Variants in SDK1 observed in about 807,000 individuals in gnomAD.
SDK1 encodes protein sidekick-1.
SDK1 carries 157 observed loss-of-function variants against 245.5 expected under a neutral mutation model. The ratio of observed to expected loss-of-function variants is 0.64; its 90% CI spans 0.56 to 0.73. The LOEUF is 0.73. Among genes scored for constraint, SDK1 ranks in the 30% least tolerant of loss-of-function variants. SDK1 has a pLI of 0.00. For synonymous variants in SDK1, 1,647 were observed against 1,278.5 expected, an observed-to-expected ratio of 1.29 and a Z score of -6.15; for missense variants, 3,583 against 3,002.3, an observed-to-expected ratio of 1.19 and a Z score of -4.52.
At chr7:3,993,302 G>C (rs924318479) in intron 14 of SDK1, among the ~76,000 whole-genome samples, 4 of 152,204 alleles carry the variant, frequency 2.6e-5, no homozygotes, top group African/African-American at 9.7e-5. Flanking sequence ...GGCTGAAACA[G>C]AAGAATGGTG....
intron 4 of SDK1, among the ~76,000 whole-genome samples, chr7:3,748,781 T>G (rs1474006679): frequency 1.3e-5 from 2 of 152,226 alleles, no homozygotes; most frequent in African/African-American, 4.8e-5. Flanking sequence ...TTAAGAGTAC[T>G]TGGTACAACC....
chr7:3,460,753 A>C (rs1780808990), intron 1 of SDK1, among the ~76,000 whole-genome samples: 1 of 152,202 alleles, frequency 6.6e-6, no homozygotes, highest in Non-Finnish European at 1.5e-5. Flanking sequence ...TTGGGGCTAA[A>C]AACAGCCAGC....
intron 1 of SDK1, among the ~76,000 whole-genome samples, chr7:3,336,834 G>C (rs1780213852): frequency 6.6e-6 from 1 of 152,202 alleles, no homozygotes; most frequent in Non-Finnish European, 1.5e-5. Flanking sequence ...TCTGCAACAA[G>C]GCAATGTGAG....
At chr7:3,810,233 A>G (rs945292275) in intron 4 of SDK1, among the ~76,000 whole-genome samples, 1 of 152,032 alleles carries the variant, frequency 6.6e-6, no homozygotes, top group Non-Finnish European at 1.5e-5. Context: ...CTCACTTTTC[A>G]TGGTTTCCAA....
chr7:3,332,404 C>G (rs1428194070), intron 1 of SDK1, among the ~76,000 whole-genome samples: 1 of 152,156 alleles, frequency 6.6e-6, no homozygotes, highest in South Asian at 2.1e-4. Flanking sequence ...TATGTAAATT[C>G]TTATTCTGTG....
At chr7:3,537,434 C>A (rs980477319) in intron 1 of SDK1, among the ~76,000 whole-genome samples, 1 of 152,142 alleles carries the variant, frequency 6.6e-6, no homozygotes, top group Non-Finnish European at 1.5e-5. Flanking sequence ...TTTCCAAGGC[C>A]CCCGACTGGA....
intron 4 of SDK1, among the ~76,000 whole-genome samples, chr7:3,788,719 T>C (rs997498201): frequency 6.6e-6 from 1 of 152,214 alleles, no homozygotes; most frequent in Non-Finnish European, 1.5e-5. Context: ...TGTTGGGCTG[T>C]GTTCAAAGCA....
intron 1 of SDK1, among the ~76,000 whole-genome samples, chr7:3,493,299 C>T (rs1037902125): frequency 2.0e-5 from 3 of 152,302 alleles, no homozygotes; most frequent in African/African-American, 4.8e-5. Context: ...TCTCCCTACC[C>T]TTCATCTAAC....
intron 1 of SDK1, among the ~76,000 whole-genome samples, chr7:3,578,549 G>C (rs760296997): frequency 6.6e-6 from 1 of 151,944 alleles, no homozygotes; most frequent in African/African-American, 2.4e-5. Context: ...TACTGCAGGA[G>C]ACCAGGGTGT....
chr7:3,786,882 C>A (rs1472394455), intron 4 of SDK1, among the ~76,000 whole-genome samples: 1 of 152,104 alleles, frequency 6.6e-6, no homozygotes, highest in Non-Finnish European at 1.5e-5. Flanking sequence ...CCCACACCCC[C>A]ACCAACACAC....
chr7:3,499,820 G>A (rs977593340), intron 1 of SDK1, among the ~76,000 whole-genome samples: 4 of 152,198 alleles, frequency 2.6e-5, no homozygotes, highest in African/African-American at 9.6e-5. Flanking sequence ...ACAGGGCTTA[G>A]CATAGTCCGA....
chr7:3,526,123 A>C (rs1016949271), intron 1 of SDK1, among the ~76,000 whole-genome samples: 1 of 152,022 alleles, frequency 6.6e-6, no homozygotes, highest in African/African-American at 2.4e-5. Flanking sequence ...AATCCCAGCT[A>C]TTCAGGAGCT....
At chr7:3,672,759 T>TATA (rs1554307103) in intron 4 of SDK1, among the ~76,000 whole-genome samples, 1 of 50,744 alleles carries the variant, frequency 2.0e-5, no homozygotes, top group Non-Finnish European at 3.5e-5. Context: ...ATATATAATT[T>TATA]TATATATATA....
chr7:3,650,008 T>G (rs80311207), intron 4 of SDK1, among the ~76,000 whole-genome samples: 3,733 of 96,158 alleles, frequency 0.039, 75 homozygotes, highest in Middle Eastern at 0.082. Flanking sequence ...TGCTATTTTT[T>G]GTTTTGAAAA....
chr7:3,373,549 G>T (rs1781279652), intron 1 of SDK1, among the ~76,000 whole-genome samples: 1 of 152,058 alleles, frequency 6.6e-6, no homozygotes, highest in African/African-American at 2.4e-5. Context: ...CAAATTAATA[G>T]TCAACATCAT....
At chr7:3,443,446 G>A (rs1780255415) in intron 1 of SDK1, among the ~76,000 whole-genome samples, 1 of 152,182 alleles carries the variant, frequency 6.6e-6, no homozygotes. Context: ...ACAGATGTCA[G>A]CCATGCTAAT....
intron 4 of SDK1, among the ~76,000 whole-genome samples, chr7:3,658,286 A>C (rs553490915): frequency 1.3e-5 from 2 of 152,162 alleles, no homozygotes; most frequent in Non-Finnish European, 2.9e-5. Context: ...GGTTCTGTCT[A>C]ATTCCTACAG....
intron 5 of SDK1, among the ~76,000 whole-genome samples, chr7:3,880,307 G>C (rs1781176090): frequency 6.6e-6 from 1 of 152,212 alleles, no homozygotes; most frequent in Non-Finnish European, 1.5e-5. Flanking sequence ...GTACCCAGCA[G>C]TGATTGAGAA....
chr7:3,571,357 C>T (rs1463657624), intron 1 of SDK1, among the ~76,000 whole-genome samples: 1 of 151,926 alleles, frequency 6.6e-6, no homozygotes, highest in Non-Finnish European at 1.5e-5. Flanking sequence ...CGTGGGGGTG[C>T]AGTGGCACAA....
Sources: allele counts gnomAD v4.1 joint callset (sites outside exome capture counted in the v4.1 genomes callset), GRCh38; gene constraint gnomAD v4.1.1; transcripts MANE v1.5; gene names NCBI Gene and HGNC (gene_info 2026-07-23, HGNC 2026-07-21).